EIF2AK4: variants seen among roughly 807,000 people sequenced by gnomAD.
EIF2AK4 encodes eukaryotic translation initiation factor 2 alpha kinase 4.
In EIF2AK4, 139 loss-of-function variants were observed where a neutral mutation model predicts 211.1. That is an observed-to-expected ratio of 0.66 (90% CI 0.57 to 0.76). EIF2AK4 has a LOEUF of 0.76. EIF2AK4 is among the 30% of genes least tolerant of loss of function. EIF2AK4 has a pLI of 0.00. For missense variants in EIF2AK4, 1,664 were observed against 2,043.8 expected, an observed-to-expected ratio of 0.81 and a Z score of 3.58; for synonymous variants, 710 against 751.3, an observed-to-expected ratio of 0.94 and a Z score of 0.90.
intron 6 of EIF2AK4, among the ~76,000 whole-genome samples, chr15:39,958,944 A>C (rs1385653140): frequency 6.6e-6 from 1 of 151,552 alleles, no homozygotes; most frequent in Non-Finnish European, 1.5e-5. Flanking sequence ...TTTTTCAGGT[A>C]TCAAGCTCCT....
chr15:39,948,828 T>C (rs2034264914), intron 3 of EIF2AK4, among the ~76,000 whole-genome samples: 1 of 152,206 alleles, frequency 6.6e-6, no homozygotes, highest in African/African-American at 2.4e-5. Flanking sequence ...GGATTTACTA[T>C]AGAGAAAATG....
intron 13 of EIF2AK4, 90 bp from the exon 14 acceptor site, chr15:39,985,715 T>C: frequency 1.7e-6 from 2 of 1,211,808 alleles, no homozygotes. Context: ...TGGCCCTGTG[T>C]TGGGGGTGGG....
chr15:40,023,136 C>T (rs2035416627), intron 32 of EIF2AK4, among the ~76,000 whole-genome samples: 1 of 152,140 alleles, frequency 6.6e-6, no homozygotes, highest in African/African-American at 2.4e-5. Context: ...TGGTTTTTTC[C>T]TACTTTTCTC....
At chr15:39,963,314 G>A (rs796093718) in intron 7 of EIF2AK4, among the ~76,000 whole-genome samples, 16 of 152,262 alleles carry the variant, frequency 1.1e-4, no homozygotes, top group African/African-American at 3.6e-4. Flanking sequence ...ATAACCTGGG[G>A]AAATCAAGAA....
chr15:39,989,399 G>A (rs1877771166), intron 15 of EIF2AK4, among the ~76,000 whole-genome samples: 1 of 152,202 alleles, frequency 6.6e-6, no homozygotes, highest in South Asian at 2.1e-4. Context: ...GTTTGTAAAT[G>A]ATTTGGTAGA....
At chr15:39,958,635 T>C (rs2034424794) in intron 6 of EIF2AK4, among the ~76,000 whole-genome samples, 1 of 152,208 alleles carries the variant, frequency 6.6e-6, no homozygotes, top group Non-Finnish European at 1.5e-5. Flanking sequence ...AATTAAACAA[T>C]ATCAGGAATT....
chr15:40,018,866 G>A (rs1353495081), intron 29 of EIF2AK4, among the ~76,000 whole-genome samples: 2 of 152,162 alleles, frequency 1.3e-5, no homozygotes, highest in Admixed American at 6.5e-5. Context: ...CTTGTGACTA[G>A]TGGCTGCCAT....
At chr15:39,943,623 T>A in intron 3 of EIF2AK4, 138 bp downstream of exon 3, 1 of 694,352 alleles carries the variant, frequency 1.4e-6, no homozygotes, top group Non-Finnish European at 2.3e-6. Context: ...TTTAATAGGA[T>A]TAATGAAATT....
chr15:40,007,524 G>C (rs2035177807), intron 24 of EIF2AK4, among the ~76,000 whole-genome samples: 1 of 152,138 alleles, frequency 6.6e-6, no homozygotes. Flanking sequence ...TGAGCGCTGA[G>C]GACCTCCAGG....
At chr15:39,950,458 G>T (rs956499875) in intron 4 of EIF2AK4, among the ~76,000 whole-genome samples, 1 of 152,026 alleles carries the variant, frequency 6.6e-6, no homozygotes, top group Non-Finnish European at 1.5e-5. Context: ...GGGTGTGGTG[G>T]CAGGCACCTG....
At chr15:39,996,668 A>C (rs1457571846) in intron 18 of EIF2AK4, among the ~76,000 whole-genome samples, 3 of 152,178 alleles carry the variant, frequency 2.0e-5, no homozygotes, top group African/African-American at 7.2e-5. Flanking sequence ...CCGAGACTGC[A>C]CCACTGCACT....
rs2034176670 is a variant in EIF2AK4, at chr15:39,943,394, T to C, written c.269T>C (p.Ile90Thr). The change falls in exon 3 of 39, where the codon ATA (isoleucine) becomes ACA (threonine). Residue 90 changes from isoleucine (I) to threonine (T), a missense_variant. Transcript: ENST00000263791. ...TTTGCCTTTTCCAGAGTTCCTGAAA[T>C]AGAGTTAAAAAATGCCAAAGGTCTA... ...PPTYPDVVPEIELKNAKGLSN... is the reference protein window; with the variant it reads ...PPTYPDVVPETELKNAKGLSN... The C allele has an allele frequency of 7.7e-7, 1 of 1,306,870 alleles. No individual in the cohort carries two copies. The highest frequency in any genetic ancestry group is 2.8e-5 in the East Asian group (1 of 35,240). The allele number at this position is 1,306,870 out of a possible 1,614,324, so 81.0% of individuals were successfully genotyped here.
intron 16 of EIF2AK4, 63 bp from the exon 17 acceptor site, chr15:39,992,112 C>G: frequency 7.2e-7 from 1 of 1,393,262 alleles, no homozygotes; most frequent in Admixed American, 1.9e-5. Context: ...TAGAAACAGA[C>G]AAGCCATTCT....
chr15:39,979,323 TTAAG>T (rs1253673912), intron 13 of EIF2AK4, among the ~76,000 whole-genome samples: 3 of 152,160 alleles, frequency 2.0e-5, no homozygotes, highest in African/African-American at 7.2e-5. Context: ...GGGGAAGAGA[TTAAG>T]TAATTGCAGT....
Position 39,972,891 on chromosome 15 carries a change from C to T in EIF2AK4, c.1554-17C>T. ...GATTGTTTGTGATGCTAAGATTCTT[C>T]CTTCCCTCTCACCGAGATGTGTGTG... On this transcript the variant is annotated splice_polypyrimidine_tract_variant and intron_variant, in intron 9 of 38. Transcript: ENST00000263791. The T allele has an allele frequency of 1.9e-6, 3 of 1,604,860 alleles. No homozygotes were observed. The highest frequency in any genetic ancestry group is 1.7e-6 in the Non-Finnish European group (2 of 1,171,930).
At chr15:39,953,513 C>T (rs1210680581) in intron 4 of EIF2AK4, among the ~76,000 whole-genome samples, 5 of 152,136 alleles carry the variant, frequency 3.3e-5, no homozygotes, top group East Asian at 1.9e-4. Context: ...CCAAGCTGAC[C>T]GGGACCCCCA....
chr15:39,975,185 T>C (rs564009324), intron 11 of EIF2AK4: 6 of 152,358 alleles, frequency 3.9e-5, no homozygotes, highest in Admixed American at 2.0e-4. Context: ...GAGATGGGTA[T>C]GATCCTCATT....
At chr15:39,992,990 T>C in intron 18 of EIF2AK4, 142 bp downstream of exon 18, 2 of 752,744 alleles carry the variant, frequency 2.7e-6, no homozygotes, top group South Asian at 1.7e-5. Flanking sequence ...GTCCTAAGGA[T>C]AGTGACTGAA....
intron 13 of EIF2AK4, among the ~76,000 whole-genome samples, chr15:39,981,431 G>A (rs1374953554): frequency 1.3e-5 from 2 of 152,110 alleles, no homozygotes; most frequent in East Asian, 3.9e-4. Flanking sequence ...GTTAGCATTT[G>A]TTATGCACAT....
Sources: allele counts gnomAD v4.1 joint callset (sites outside exome capture counted in the v4.1 genomes callset), GRCh38; gene constraint gnomAD v4.1.1; transcripts MANE v1.5; gene names NCBI Gene and HGNC (gene_info 2026-07-23, HGNC 2026-07-21).